Variants in INSL6 observed in about 807,000 individuals in gnomAD.
INSL6 encodes insulin-like peptide INSL6.
In INSL6, 16 loss-of-function variants were observed where a neutral mutation model predicts 9.4. The ratio of observed to expected loss-of-function variants is 1.70; its 90% CI spans 1.15 to 2.59. The LOEUF is 2.59. Ranked by LOEUF, INSL6 falls within the 30% of genes most tolerant of loss-of-function variation. The probability of loss-of-function intolerance (pLI) is 0.00; values close to 1 mark genes in which losing one functional copy is unlikely to be tolerated. For synonymous variants in INSL6, 154 were observed against 96.9 expected (o/e 1.59, Z -3.46); for missense variants, 391 against 257.3 (o/e 1.52, Z -3.56).
chr9:5,175,751 T>C (rs1024327913), intron 1 of INSL6, among the ~76,000 whole-genome samples: 2 of 152,132 alleles, frequency 1.3e-5, no homozygotes, highest in Non-Finnish European at 2.9e-5. Flanking sequence ...GGGATCTAGG[T>C]TGCACGCTCC....
the INSL6 span, chr9:5,072,746 A>C: frequency 6.2e-6 from 4 of 643,152 alleles, no homozygotes; most frequent in African/African-American, 7.5e-5. Context: ...TGTGTCAAGG[A>C]CTTTTCTGAG....
At chr9:5,058,953 G>T in the INSL6 span, among the ~76,000 whole-genome samples, 1 of 151,878 alleles carries the variant, frequency 6.6e-6, no homozygotes, top group African/African-American at 2.4e-5. Flanking sequence ...TATATGATTT[G>T]CAAATATTTT....
chr9:5,094,394 C>T, the INSL6 span: 1 of 152,104 alleles, frequency 6.6e-6, no homozygotes, highest in Non-Finnish European at 1.5e-5. Flanking sequence ...TTTATTCTAG[C>T]CACATCAAGC....
downstream of INSL6, among the ~76,000 whole-genome samples, chr9:5,121,759 G>A (rs1276845919): frequency 1.3e-5 from 2 of 152,044 alleles, no homozygotes; most frequent in East Asian, 3.9e-4. Flanking sequence ...TTCAACAAGG[G>A]GAATTAATTT....
At chr9:5,141,818 C>G (rs973244863) in intron 2 of INSL6, among the ~76,000 whole-genome samples, 9 of 152,096 alleles carry the variant, frequency 5.9e-5, no homozygotes, top group African/African-American at 2.2e-4. Context: ...AACGGTATTG[C>G]CTAGGTTGTC....
At chr9:5,051,541 TTC>T in the INSL6 span, among the ~76,000 whole-genome samples, 1 of 152,190 alleles carries the variant, frequency 6.6e-6, no homozygotes, top group Non-Finnish European at 1.5e-5. Flanking sequence ...CTCTAGGGTA[TTC>T]TTATACAAAT....
intron 2 of INSL6, among the ~76,000 whole-genome samples, chr9:5,136,433 G>A (rs1467401847): frequency 6.6e-6 from 1 of 152,098 alleles, no homozygotes; most frequent in Non-Finnish European, 1.5e-5. Flanking sequence ...TGATCAAGTC[G>A]GCTTCATTCC....
chr9:5,086,066 T>C, the INSL6 span: 1 of 690,694 alleles, frequency 1.4e-6, no homozygotes. Context: ...TAAAATAGGG[T>C]ATCTGAGACA....
intron 2 of INSL6, among the ~76,000 whole-genome samples, chr9:5,143,593 T>C (rs1468897763): frequency 6.6e-6 from 1 of 152,154 alleles, no homozygotes. Flanking sequence ...TCTTTTTTAG[T>C]CTAGCTACTG....
the INSL6 span, among the ~76,000 whole-genome samples, chr9:5,005,099 T>G: frequency 2.0e-4 from 4 of 20,064 alleles, no homozygotes; most frequent in South Asian, 1.6e-3. Context: ...TTTTTTTTTT[T>G]TTTTTTTTTT....
At chr9:5,016,790 CTT>C in the INSL6 span, among the ~76,000 whole-genome samples, 5 of 152,110 alleles carry the variant, frequency 3.3e-5, no homozygotes, top group Non-Finnish European at 7.4e-5. Flanking sequence ...ATTATCCTAA[CTT>C]TTTTTCACCA....
chr9:5,175,092 A>C, intron 1 of INSL6, among the ~76,000 whole-genome samples: 1 of 152,044 alleles, frequency 6.6e-6, no homozygotes. Context: ...GGTGCCCACC[A>C]CCACGCCCAG....
intron 2 of INSL6, among the ~76,000 whole-genome samples, chr9:5,142,884 A>G (rs1445799165): frequency 6.6e-6 from 1 of 152,104 alleles, no homozygotes; most frequent in African/African-American, 2.4e-5. Flanking sequence ...TTCAATACCT[A>G]GTTTATTGAC....
the INSL6 span, among the ~76,000 whole-genome samples, chr9:5,076,102 AAGG>A: frequency 6.6e-6 from 1 of 152,186 alleles, no homozygotes; most frequent in Non-Finnish European, 1.5e-5. Context: ...GCCCTGAAAG[AAGG>A]AGGAGTTGCT....
the INSL6 span, among the ~76,000 whole-genome samples, chr9:5,065,484 C>T: frequency 5.9e-5 from 9 of 152,258 alleles, no homozygotes; most frequent in South Asian, 1.7e-3. Context: ...GTAGAACTTC[C>T]TGCAGCGATG....
Position 5,170,212 on chromosome 9 carries a change from A to G in INSL6, c.290-5947T>C, listed in dbSNP as rs566573883. Among the ~76,000 whole-genome samples the G allele has an allele frequency of 1.3e-4, 20 of 152,306 alleles. 1 individual carries two copies. In the South Asian group the frequency reaches 3.5e-3, roughly 27 times the overall value. On this transcript the variant is annotated intron_variant, in intron 1 of 1. Coordinates refer to ENST00000381641, the MANE Select transcript of INSL6 (RefSeq NM_007179.3). ...GATTAAGAAACTCACTCAAAACCAC[A>G]TAAGTACATGGAAATTCAACAACCT...
chr9:5,072,327 A>C, the INSL6 span, among the ~76,000 whole-genome samples: 2 of 152,212 alleles, frequency 1.3e-5, no homozygotes, highest in Non-Finnish European at 2.9e-5. Context: ...TATTTAAGGA[A>C]GCAGAATAAA....
At chr9:5,106,282 C>A in the INSL6 span, among the ~76,000 whole-genome samples, 2 of 152,148 alleles carry the variant, frequency 1.3e-5, no homozygotes, top group Non-Finnish European at 2.9e-5. Context: ...ATGCAGCCAA[C>A]AGACATATAA....
chr9:5,071,804 C>G, the INSL6 span, among the ~76,000 whole-genome samples: 7 of 152,124 alleles, frequency 4.6e-5, no homozygotes, highest in Non-Finnish European at 1.0e-4. Flanking sequence ...ACTAACATTA[C>G]AAATCTAATA....
Sources: gnomAD v4.1 joint callset for allele counts (sites outside exome capture counted in the v4.1 genomes callset) on GRCh38, gnomAD v4.1.1 for gene constraint, MANE v1.5 for transcripts, NCBI Gene and HGNC (gene_info 2026-07-23, HGNC 2026-07-21) for gene names.